The following ARIH1 variants were observed in gnomAD, a reference collection of about 807,000 sequenced individuals.
ARIH1 encodes ariadne RBR E3 ubiquitin protein ligase 1.
Under a neutral mutation model 85.0 loss-of-function variants are expected in ARIH1, and 8 were observed. The observed-to-expected ratio is 0.09, with a 90% CI of 0.06 to 0.17. ARIH1 has a LOEUF of 0.17. Ranked by LOEUF, ARIH1 falls within the 10% of genes least tolerant of loss-of-function variation. ARIH1 has a pLI of 1.00. For synonymous variants in ARIH1, 238 were observed against 253.6 expected (o/e 0.94, Z 0.59); for missense variants, 311 against 718.1 (o/e 0.43, Z 6.48).
At chr15:72,488,337 A>G (rs1021879811) in intron 1 of ARIH1, among the ~76,000 whole-genome samples, 1 of 152,010 alleles carries the variant, frequency 6.6e-6, no homozygotes, top group Non-Finnish European at 1.5e-5. Flanking sequence ...TCAGCCTCCC[A>G]AAGTGTTGGG....
chr15:72,564,961 A>T (rs1283531852), intron 7 of ARIH1, among the ~76,000 whole-genome samples: 1 of 152,158 alleles, frequency 6.6e-6, no homozygotes, highest in African/African-American at 2.4e-5. Flanking sequence ...GGACACAAAC[A>T]TTTATATCCT....
At chr15:72,493,054 A>G (rs1291798807) in intron 1 of ARIH1, among the ~76,000 whole-genome samples, 1 of 152,142 alleles carries the variant, frequency 6.6e-6, no homozygotes, top group Non-Finnish European at 1.5e-5. Context: ...CCTGTAGACT[A>G]TTCTTAAATG....
chr15:72,594,944 A>G lies in ARIH1; in HGVS notation c.*11652A>G. The G allele has an allele frequency of 6.7e-6, 1 of 148,408 alleles. No homozygotes were observed. Among genetic ancestry groups the G allele is most frequent in the East Asian group, 2.0e-4 (1 of 4,990 alleles). 9.2% of individuals were successfully genotyped at this position (148,408 alleles called of 1,614,324 possible). A position where few individuals can be genotyped will look rare whatever the true frequency, so the allele number is the denominator to read the frequency against. On this transcript the variant is annotated 3_prime_UTR_variant, in exon 14 of 14. Transcript: ENST00000379887. ...TTAGGGATAAAGATTTTAATGTTTCATCACTAAGTATAATGTTAACTGTAA... is the reference window on the plus strand; with the variant it reads ...TTAGGGATAAAGATTTTAATGTTTCGTCACTAAGTATAATGTTAACTGTAA...
rs11385438 is a variant in ARIH1, at chr15:72,578,816, G to GTTTTTTTTTTTTTTTTTTTTT, written c.1216-1911_1216-1910insTTTTTTTTTTTTTTTTTTTTT. 1.4e-5 allele frequency among the ~76,000 whole-genome samples: 2 copies of GTTTTTTTTTTTTTTTTTTTTT among 140,930 alleles called. 1 individual carries two copies. Among genetic ancestry groups the GTTTTTTTTTTTTTTTTTTTTT allele is most frequent in the Non-Finnish European group, 3.1e-5 (2 of 65,460 alleles). The allele number at this position is 140,930 out of a possible 152,430, so 92.5% of individuals were successfully genotyped here. On this transcript the variant is annotated intron_variant, in intron 11 of 13. Coordinates refer to ENST00000379887, the MANE Select transcript of ARIH1 (RefSeq NM_005744.5). The stretch of plus-strand genomic sequence containing the variant: ...ATTTTGCTTTTTTTTGTTTTTTGGT[G>GTTTTTTTTTTTTTTTTTTTTT]TTTTGTTTTTTTTTTTCAGAGGTAG...
chr15:72,567,838 G>A (rs557000941), intron 9 of ARIH1, among the ~76,000 whole-genome samples: 32 of 152,120 alleles, frequency 2.1e-4, no homozygotes, highest in African/African-American at 7.2e-4. Flanking sequence ...TGGTTCATGG[G>A]CTATTCATTT....
chr15:72,550,667 T>G (rs2064149480), intron 3 of ARIH1, among the ~76,000 whole-genome samples: 1 of 152,090 alleles, frequency 6.6e-6, no homozygotes, highest in East Asian at 1.9e-4. Context: ...ACTGATACAC[T>G]TCATATATAT....
At position 72,583,558 on chromosome 15, in the gene ARIH1, C is replaced by T; in HGVS notation, c.*266C>T. 1 of 354,384 alleles carries T rather than the reference C, an allele frequency of 2.8e-6. No individual in the cohort carries two copies. The highest frequency in any genetic ancestry group is 1.0e-4 in the South Asian group (1 of 9,912). 22.0% of individuals were successfully genotyped at this position (354,384 alleles called of 1,614,324 possible). On this transcript the variant is annotated 3_prime_UTR_variant, in exon 14 of 14. Coordinates refer to ENST00000379887, the MANE Select transcript of ARIH1 (RefSeq NM_005744.5). ...CCTCCAACTTTAACTTGTAACGTAG[C>T]TTCATTCTCAAAGCTGACTCCTTTT...
In ARIH1 at chr15:72,602,577, TC is replaced by T. The variant is rs1365078932; in HGVS notation, c.*19287del. On this transcript the variant is annotated 3_prime_UTR_variant, in exon 14 of 14. Transcript: ENST00000379887. Reference sequence around the variant, plus strand: ...CTTCAGTGGTTTCCACACCAAAAAATCCACAGGCTCCTGAATTTTATATGGG... The same window carrying T: ...CTTCAGTGGTTTCCACACCAAAAAATCACAGGCTCCTGAATTTTATATGGG... The T allele has an allele frequency of 6.6e-6, 1 of 152,222 alleles. No homozygotes were observed. The highest frequency in any genetic ancestry group is 2.4e-5 in the African/African-American group (1 of 41,450). 9.4% of individuals were successfully genotyped at this position (152,222 alleles called of 1,614,324 possible).
In ARIH1 at chr15:72,588,891, G is replaced by C. The variant is rs1365663965; in HGVS notation, c.*5599G>C. On this transcript the variant is annotated 3_prime_UTR_variant, in exon 14 of 14. Transcript: ENST00000379887. ...GAGTCTGAGCAAAGGAAGTTGAGTGGTTATAAGCAAAACTGTCATTAAAGC... is the reference window on the plus strand; with the variant it reads ...GAGTCTGAGCAAAGGAAGTTGAGTGCTTATAAGCAAAACTGTCATTAAAGC... 6.6e-6 allele frequency: 1 copy of C among 152,178 alleles called. No individual in the cohort carries two copies. Among genetic ancestry groups the C allele is most frequent in the East Asian group, 1.9e-4 (1 of 5,194 alleles). 9.4% of individuals were successfully genotyped at this position (152,178 alleles called of 1,614,324 possible).
At chr15:72,551,954 AG>A (rs1318388236) in intron 3 of ARIH1, among the ~76,000 whole-genome samples, 13 of 152,224 alleles carry the variant, frequency 8.5e-5, no homozygotes, top group African/African-American at 3.1e-4. Flanking sequence ...AGATTGGCAA[AG>A]ATCAAGGAGT....
chr15:72,549,217 A>G (rs930459632), intron 3 of ARIH1, among the ~76,000 whole-genome samples: 11 of 151,142 alleles, frequency 7.3e-5, no homozygotes, highest in African/African-American at 2.7e-4. Context: ...CCTCCCGAGT[A>G]GCTGGGATTA....
At chr15:72,558,208 T>C (rs1230164076) in intron 5 of ARIH1, among the ~76,000 whole-genome samples, 7 of 152,212 alleles carry the variant, frequency 4.6e-5, no homozygotes, top group Admixed American at 4.6e-4. Flanking sequence ...GGTATGTTCC[T>C]TCAAAGCCTA....
chr15:72,552,490 A>G (rs1004247404), intron 3 of ARIH1, among the ~76,000 whole-genome samples: 7 of 152,098 alleles, frequency 4.6e-5, no homozygotes, highest in African/African-American at 1.7e-4. Flanking sequence ...GGGTTTCGCC[A>G]TGTTGGCCTG....
At position 72,585,486 on chromosome 15, in the gene ARIH1, T is replaced by C. The variant is rs1244290304; in HGVS notation, c.*2194T>C. On this transcript the variant is annotated 3_prime_UTR_variant, in exon 14 of 14. Transcript: ENST00000379887. Reference sequence around the variant, plus strand: ...AGCAGTCAGAGTTGCTATATAGATATATGTGGCTCCTTTAAAATGCTTTGT... The same window carrying C: ...AGCAGTCAGAGTTGCTATATAGATACATGTGGCTCCTTTAAAATGCTTTGT... 1 of 152,090 alleles carries C rather than the reference T, an allele frequency of 6.6e-6. No homozygotes were observed. The highest frequency in any genetic ancestry group is 2.1e-4 in the South Asian group (1 of 4,824). 9.4% of individuals were successfully genotyped at this position (152,090 alleles called of 1,614,324 possible). A position where few individuals can be genotyped will look rare whatever the true frequency, so the allele number is the denominator to read the frequency against.
At chr15:72,520,194 C>T (rs2063993381) in intron 2 of ARIH1, among the ~76,000 whole-genome samples, 1 of 152,146 alleles carries the variant, frequency 6.6e-6, no homozygotes, top group South Asian at 2.1e-4. Flanking sequence ...GTGAACGTTT[C>T]AGTTTCTCCT....
intron 1 of ARIH1, among the ~76,000 whole-genome samples, chr15:72,501,676 A>G (rs968877401): frequency 3.3e-5 from 5 of 152,356 alleles, no homozygotes; most frequent in Admixed American, 3.3e-4. Context: ...AGGGCTTAAC[A>G]GTTGGAACCC....
Position 72,555,378 on chromosome 15 carries a change from T to C in ARIH1, c.681+15T>C. ...GCATGGGTCAGGTAAAGATATCAAG[T>C]TGTTTTTCAGTTTTTGTTGAATTTC... On this transcript the variant is annotated intron_variant, in intron 4 of 13. Coordinates refer to ENST00000379887, the MANE Select transcript of ARIH1 (RefSeq NM_005744.5). The C allele has an allele frequency of 6.3e-7, 1 of 1,593,686 alleles. No homozygotes were observed. The highest frequency in any genetic ancestry group is 8.6e-7 in the Non-Finnish European group (1 of 1,162,838).
intron 1 of ARIH1, among the ~76,000 whole-genome samples, chr15:72,481,964 G>T (rs2063818208): frequency 6.6e-6 from 1 of 152,044 alleles, no homozygotes; most frequent in Non-Finnish European, 1.5e-5. Flanking sequence ...AGCCTCCCGA[G>T]TAGCTGGGAT....
intron 1 of ARIH1, among the ~76,000 whole-genome samples, chr15:72,504,892 A>T (rs1404663797): frequency 6.6e-6 from 1 of 152,112 alleles, no homozygotes; most frequent in Non-Finnish European, 1.5e-5. Flanking sequence ...AATTATGTTG[A>T]CCCTTTTAGT....
Sources: allele counts gnomAD v4.1 joint callset (sites outside exome capture counted in the v4.1 genomes callset), GRCh38; gene constraint gnomAD v4.1.1; transcripts MANE v1.5; gene names NCBI Gene and HGNC (gene_info 2026-07-23, HGNC 2026-07-21).